The following LRRC1 variants were observed in gnomAD, a reference collection of about 807,000 sequenced individuals.
LRRC1 encodes the protein leucine-rich repeat-containing protein 1.
A neutral mutation model predicts 69.9 loss-of-function variants in LRRC1; 28 were observed. That is an observed-to-expected ratio of 0.40 (90% CI 0.30 to 0.55). LRRC1 has a LOEUF of 0.55. Among genes scored for constraint, LRRC1 ranks in the 20% least tolerant of loss-of-function variants. LRRC1 has a pLI of 0.47. For synonymous variants in LRRC1, 236 were observed against 240.2 expected (o/e 0.98, Z 0.16); for missense variants, 498 against 609.0 (o/e 0.82, Z 1.92).
At chr6:53,893,346 C>T (rs1240869898) in intron 4 of LRRC1, among the ~76,000 whole-genome samples, 1 of 152,172 alleles carries the variant, frequency 6.6e-6, no homozygotes, top group Non-Finnish European at 1.5e-5. Flanking sequence ...AGCCTGGGCC[C>T]CAGGCCTCTT....
chr6:53,887,769 G>C (rs1163328925), intron 4 of LRRC1, among the ~76,000 whole-genome samples: 1 of 152,092 alleles, frequency 6.6e-6, no homozygotes, highest in Non-Finnish European at 1.5e-5. Flanking sequence ...AATTTTTAAA[G>C]ACTTATTTAA....
At chr6:53,813,285 G>A (rs1416111982) in intron 1 of LRRC1, among the ~76,000 whole-genome samples, 3 of 152,166 alleles carry the variant, frequency 2.0e-5, no homozygotes. Flanking sequence ...GATTGGAGGG[G>A]TGTGGTGGTC....
chr6:53,799,795 A>G (rs899610562), intron 1 of LRRC1, among the ~76,000 whole-genome samples: 1 of 152,214 alleles, frequency 6.6e-6, no homozygotes, highest in African/African-American at 2.4e-5. Flanking sequence ...TTCTGTTTCT[A>G]GGGGGCAGGG....
chr6:53,859,724 G>T (rs1385800035), intron 2 of LRRC1, among the ~76,000 whole-genome samples: 1 of 152,040 alleles, frequency 6.6e-6, no homozygotes, highest in Non-Finnish European at 1.5e-5. Context: ...AGGAGGGGCA[G>T]GTTGTTGACT....
intron 3 of LRRC1, among the ~76,000 whole-genome samples, chr6:53,881,196 A>G (rs577322335): frequency 6.6e-6 from 1 of 152,360 alleles, no homozygotes; most frequent in Admixed American, 6.5e-5. Context: ...GACCTTAAAA[A>G]TGATTTAGTT....
chr6:53,873,416 C>T (rs1037440559), intron 2 of LRRC1, among the ~76,000 whole-genome samples: 25 of 151,210 alleles, frequency 1.7e-4, no homozygotes, highest in African/African-American at 6.1e-4. Context: ...CTCAGCCTCC[C>T]GAATAGCTGG....
At chr6:53,834,669 A>G (rs1258210729) in intron 1 of LRRC1, among the ~76,000 whole-genome samples, 1 of 152,182 alleles carries the variant, frequency 6.6e-6, no homozygotes, top group African/African-American at 2.4e-5. Context: ...AAAAAACTCT[A>G]CCTCACTTGG....
rs188780103 is a variant in LRRC1 at position 53,873,156 on chromosome 6, A to G, written c.278-5837A>G. Among the ~76,000 whole-genome samples the G allele has an allele frequency of 5.5e-3, 830 of 152,048 alleles. 12 individuals are homozygous for G. Among genetic ancestry groups the G allele is most frequent in the African/African-American group, 0.019 (784 of 41,480 alleles). ...CAGTGTTTTATAGTTTTCATTGTAG[A>G]GATTTTTTACCTATTTGGTTAAATT... On this transcript the variant is annotated intron_variant, in intron 2 of 13. Transcript: ENST00000370888.
intron 1 of LRRC1, among the ~76,000 whole-genome samples, chr6:53,821,126 AT>A (rs1765102776): frequency 6.6e-6 from 1 of 152,204 alleles, no homozygotes; most frequent in Non-Finnish European, 1.5e-5. Flanking sequence ...GCCTATTGTA[AT>A]ATGCAGGGTT....
At chr6:53,912,890 TAGTC>T (rs1260155862) in intron 10 of LRRC1, among the ~76,000 whole-genome samples, 1 of 146,092 alleles carries the variant, frequency 6.8e-6, no homozygotes, top group Non-Finnish European at 1.5e-5. Context: ...CAATTGCCCT[TAGTC>T]AGGAGAGTGA....
intron 1 of LRRC1, among the ~76,000 whole-genome samples, chr6:53,816,372 G>A (rs575111709): frequency 2.6e-5 from 4 of 151,746 alleles, no homozygotes; most frequent in South Asian, 4.2e-4. Flanking sequence ...TAAAAATTCC[G>A]AGTTCATTAC....
chr6:53,826,471 A>G (rs763821971), intron 1 of LRRC1, among the ~76,000 whole-genome samples: 3 of 152,170 alleles, frequency 2.0e-5, no homozygotes, highest in Admixed American at 6.5e-5. Flanking sequence ...CTTGTATTTG[A>G]TAAGGTGCCC....
intron 2 of LRRC1, among the ~76,000 whole-genome samples, chr6:53,848,340 A>G (rs1766013629): frequency 6.6e-6 from 1 of 152,198 alleles, no homozygotes; most frequent in Non-Finnish European, 1.5e-5. Flanking sequence ...TTAATTTCAG[A>G]TTATAATTAC....
chr6:53,812,585 G>A (rs1196671811), intron 1 of LRRC1, among the ~76,000 whole-genome samples: 1 of 151,616 alleles, frequency 6.6e-6, no homozygotes, highest in African/African-American at 2.4e-5. Flanking sequence ...AGCTACTCGG[G>A]AGGCTGAGGC....
intron 1 of LRRC1, among the ~76,000 whole-genome samples, chr6:53,804,415 G>C (rs1007580420): frequency 5.9e-5 from 9 of 152,004 alleles, no homozygotes; most frequent in African/African-American, 2.2e-4. Context: ...TTGATTTTAG[G>C]ATGTATTTTA....
rs1407046202 is a variant in LRRC1, at chr6:53,922,791, TAG to T, written c.*1_*2del. The T allele has an allele frequency of 6.2e-7, 1 of 1,612,656 alleles. No homozygotes were observed. Among genetic ancestry groups the T allele is most frequent in the Middle Eastern group, 1.7e-4 (1 of 6,058 alleles). On this transcript the variant is annotated frameshift_variant and stop_lost, in exon 14 of 14. Transcript: ENST00000370888. LOFTEE classifies it high-confidence loss of function. Reference protein sequence around the residue: ...HAIDRVTTSV* With the variant: ...HAIDRVTTSVX The stretch of plus-strand genomic sequence containing the variant: ...CATTGACCGAGTGACCACTTCTGTG[TAG>T]AGTTTCACCTCCAAGTTTTACCTCC...
chr6:53,847,958 A>C (rs561874976), intron 2 of LRRC1, among the ~76,000 whole-genome samples: 1 of 152,172 alleles, frequency 6.6e-6, no homozygotes, highest in Non-Finnish European at 1.5e-5. Flanking sequence ...GTTTTTACCC[A>C]TGCGGACTTC....
chr6:53,823,992 G>A (rs4712049), intron 1 of LRRC1, among the ~76,000 whole-genome samples: 125,936 of 152,160 alleles, frequency 0.83, 52,302 homozygotes, highest in East Asian at 0.92. Flanking sequence ...TTTATATTCT[G>A]TTGGTTATAT....
Position 53,904,477 on chromosome 6 carries a change from A to G in LRRC1, c.990+15A>G. On this transcript the variant is annotated intron_variant, in intron 10 of 13. Coordinates refer to ENST00000370888, the MANE Select transcript of LRRC1 (RefSeq NM_018214.5). ...TACCAAAAGAGGTATGTGCTTTTAG[A>G]GAAATCACATGATAATAATTATGAA... 8 of 1,461,780 alleles carry G rather than the reference A, an allele frequency of 5.5e-6. No homozygotes were observed. Among genetic ancestry groups the G allele is most frequent in the Non-Finnish European group, 7.6e-6 (8 of 1,052,234 alleles). The allele number at this position is 1,461,780 out of a possible 1,614,324, so 90.6% of individuals were successfully genotyped here. A position where few individuals can be genotyped will look rare whatever the true frequency, so the allele number is the denominator to read the frequency against.
Sources: allele counts gnomAD v4.1 joint callset (sites outside exome capture counted in the v4.1 genomes callset), GRCh38; gene constraint gnomAD v4.1.1; transcripts MANE v1.5; gene names NCBI Gene and HGNC (gene_info 2026-07-23, HGNC 2026-07-21).